Variants in SNX18 observed in about 807,000 individuals in gnomAD.
SNX18 encodes the protein sorting nexin 18, also known as sorting nexin-18.
Under a neutral mutation model 48.7 loss-of-function variants are expected in SNX18, and 35 were observed. That is an observed-to-expected ratio of 0.72 (90% CI 0.55 to 0.95). SNX18 has a LOEUF of 0.95. SNX18 is among the 40% of genes least tolerant of loss of function. The probability of loss-of-function intolerance (pLI) is 0.00; values close to 1 mark genes in which losing one functional copy is unlikely to be tolerated. For missense variants in SNX18, 824 were observed against 871.0 expected (o/e 0.95, Z 0.68); for synonymous variants, 492 against 384.7 (o/e 1.28, Z -3.26).
the SNX18 span, among the ~76,000 whole-genome samples, chr5:54,646,889 C>T: frequency 6.6e-6 from 1 of 152,190 alleles, no homozygotes; most frequent in Non-Finnish European, 1.5e-5. Flanking sequence ...CAACAGGCCT[C>T]CTGTTGTGAG....
At chr5:54,610,546 C>T in the SNX18 span, among the ~76,000 whole-genome samples, 1 of 152,194 alleles carries the variant, frequency 6.6e-6, no homozygotes, top group African/African-American at 2.4e-5. Flanking sequence ...AGATGCTTCC[C>T]CTCTTGGCCA....
Position 54,519,365 on chromosome 5 carries a change from C to T in SNX18, c.1413C>T (p.Phe471=), listed in dbSNP as rs774715540. 1.2e-6 allele frequency: 2 copies of T among 1,613,178 alleles called. No individual in the cohort carries two copies. Among genetic ancestry groups the T allele is most frequent in the African/African-American group, 2.7e-5 (2 of 74,890 alleles). Residue 471 remains phenylalanine (F), a synonymous_variant, in exon 1 of 2, where the codon TTC becomes TTT. Transcript: ENST00000381410. The part of the protein sequence containing the change: ...KKEYQKVGQS[F]RGLSQAFELD... ...AGTATCAGAAGGTGGGCCAGTCCTT[C>T]CGCGGCCTCAGCCAGGCCTTTGAGC...
the SNX18 span, among the ~76,000 whole-genome samples, chr5:54,618,942 A>C: frequency 6.8e-6 from 1 of 147,120 alleles, no homozygotes; most frequent in Non-Finnish European, 1.5e-5. Flanking sequence ...ATATCTGAAA[A>C]GTAGAAAAAA....
At chr5:54,607,707 C>T in the SNX18 span, among the ~76,000 whole-genome samples, 2 of 152,024 alleles carry the variant, frequency 1.3e-5, no homozygotes, top group African/African-American at 4.8e-5. Flanking sequence ...CCGAGGCAGG[C>T]GGATCACTTG....
At chr5:54,573,766 C>G in the SNX18 span, among the ~76,000 whole-genome samples, 1 of 152,122 alleles carries the variant, frequency 6.6e-6, no homozygotes, top group Non-Finnish European at 1.5e-5. Context: ...AGGCCTGGGA[C>G]TGAGCAAGAC....
the SNX18 span, among the ~76,000 whole-genome samples, chr5:54,638,318 G>C: frequency 1.3e-5 from 2 of 152,166 alleles, no homozygotes; most frequent in African/African-American, 4.8e-5. Context: ...AAAATAAAAA[G>C]GGGGAGGGAC....
At chr5:54,629,452 G>C in the SNX18 span, among the ~76,000 whole-genome samples, 1 of 152,226 alleles carries the variant, frequency 6.6e-6, no homozygotes, top group Non-Finnish European at 1.5e-5. Flanking sequence ...TGTTTGTGCA[G>C]AGTATGCCTC....
the SNX18 span, among the ~76,000 whole-genome samples, chr5:54,636,305 A>G: frequency 6.6e-6 from 1 of 152,016 alleles, no homozygotes; most frequent in African/African-American, 2.4e-5. Flanking sequence ...TCACAACCCA[A>G]CAATACTTTA....
chr5:54,554,881 C>T, the SNX18 span, among the ~76,000 whole-genome samples: 1 of 152,280 alleles, frequency 6.6e-6, no homozygotes, highest in Non-Finnish European at 1.5e-5. Context: ...AGTCCTGAGA[C>T]TCTGGGCAGA....
intron 1 of SNX18, among the ~76,000 whole-genome samples, chr5:54,521,906 C>T (rs1762040076): frequency 6.6e-6 from 1 of 152,046 alleles, no homozygotes; most frequent in Non-Finnish European, 1.5e-5. Flanking sequence ...GGATTTGTCT[C>T]TAGTCACTTG....
At chr5:54,542,310 C>T (rs1762486692) in intron 1 of SNX18, among the ~76,000 whole-genome samples, 1 of 152,184 alleles carries the variant, frequency 6.6e-6, no homozygotes, top group South Asian at 2.1e-4. Context: ...CCTGCAACAC[C>T]CTCTGTTGAT....
the SNX18 span, among the ~76,000 whole-genome samples, chr5:54,639,171 G>GT: frequency 6.6e-6 from 1 of 151,018 alleles, no homozygotes; most frequent in African/African-American, 2.5e-5. Context: ...GCCTTCAGAG[G>GT]TAACAGTGGG....
At chr5:54,604,110 C>T in the SNX18 span, among the ~76,000 whole-genome samples, 1 of 152,290 alleles carries the variant, frequency 6.6e-6, no homozygotes, top group East Asian at 1.9e-4. Flanking sequence ...AGGTTTCATC[C>T]TAGTAGAGCA....
Position 54,517,858 on chromosome 5 carries a change from C to A in SNX18, c.-95C>A. ...GGTTTGCCGCCTTCGGGGCTCCAGT[C>A]CGCGCGCCAGGGCTCGAGCAGTACC... On this transcript the variant is annotated 5_prime_UTR_variant, in exon 1 of 2. Coordinates refer to ENST00000381410, the MANE Select transcript of SNX18 (RefSeq NM_001102575.2). The A allele has an allele frequency of 1.5e-6, 2 of 1,298,578 alleles. No individual in the cohort carries two copies. Among genetic ancestry groups the A allele is most frequent in the Non-Finnish European group, 9.8e-7 (1 of 1,015,498 alleles). 80.4% of individuals were successfully genotyped at this position (1,298,578 alleles called of 1,614,324 possible).
downstream of SNX18, among the ~76,000 whole-genome samples, chr5:54,550,151 A>C (rs1762629041): frequency 6.6e-6 from 1 of 152,202 alleles, no homozygotes; most frequent in South Asian, 2.1e-4. Flanking sequence ...CTTGTAAGCC[A>C]ACTGAGTTAC....
At chr5:54,620,005 G>T in the SNX18 span, among the ~76,000 whole-genome samples, 589 of 152,278 alleles carry the variant, frequency 3.9e-3, 5 homozygotes, top group African/African-American at 0.014. Flanking sequence ...ACGGAAGGCG[G>T]TTTTTATGTG....
the SNX18 span, among the ~76,000 whole-genome samples, chr5:54,589,280 C>T: frequency 2.6e-5 from 4 of 152,098 alleles, no homozygotes; most frequent in Non-Finnish European, 5.9e-5. Context: ...GGGCAGCTGC[C>T]CTCCATGATC....
the SNX18 span, among the ~76,000 whole-genome samples, chr5:54,607,999 G>A: frequency 6.6e-6 from 1 of 152,166 alleles, no homozygotes; most frequent in Admixed American, 6.5e-5. Context: ...GGTTTTATGT[G>A]AACATAAGTT....
At chr5:54,620,627 C>G in the SNX18 span, among the ~76,000 whole-genome samples, 2 of 152,136 alleles carry the variant, frequency 1.3e-5, no homozygotes. Context: ...GAGGCGTTGC[C>G]GTGGAGGAGG....
Sources: gnomAD v4.1 joint callset for allele counts (sites outside exome capture counted in the v4.1 genomes callset) on GRCh38, gnomAD v4.1.1 for gene constraint, MANE v1.5 for transcripts, NCBI Gene and HGNC (gene_info 2026-07-23, HGNC 2026-07-21) for gene names.